KCNH1: variants seen among roughly 807,000 people sequenced by gnomAD.
The protein encoded by KCNH1 is potassium voltage-gated channel subfamily H member 1.
KCNH1 carries 27 observed loss-of-function variants against 69.2 expected under a neutral mutation model. The observed-to-expected ratio is 0.39, with a 90% CI of 0.29 to 0.54. KCNH1 has a LOEUF of 0.54. Among genes scored for constraint, KCNH1 ranks in the 20% least tolerant of loss-of-function variants. KCNH1 has a pLI of 0.68. For synonymous variants in KCNH1, 456 were observed against 487.7 expected (o/e 0.93, Z 0.86); for missense variants, 798 against 1,261.6 (o/e 0.63, Z 5.57).
chr1:210,842,435 T>C (rs903492806), intron 7 of KCNH1, among the ~76,000 whole-genome samples: 4 of 152,038 alleles, frequency 2.6e-5, no homozygotes, highest in African/African-American at 9.7e-5. Context: ...ATGGACTAGA[T>C]AAAAAAATAA....
At chr1:211,115,512 G>A (rs1691555382) in intron 1 of KCNH1, among the ~76,000 whole-genome samples, 2 of 151,934 alleles carry the variant, frequency 1.3e-5, no homozygotes, top group African/African-American at 2.4e-5. Context: ...GCAGAAAAAC[G>A]TAAAAAGGCA....
chr1:210,796,524 T>C (rs1684318428), intron 9 of KCNH1, among the ~76,000 whole-genome samples: 2 of 152,308 alleles, frequency 1.3e-5, no homozygotes, highest in South Asian at 2.1e-4. Flanking sequence ...AAGCTACTGA[T>C]GCTCAATGTC....
intron 7 of KCNH1, among the ~76,000 whole-genome samples, chr1:210,818,061 C>T (rs1684855547): frequency 6.6e-6 from 1 of 152,120 alleles, no homozygotes. Flanking sequence ...CTATGCTCTG[C>T]TGCTTTTCCT....
At chr1:211,122,374 G>T (rs1010720218) in intron 1 of KCNH1, among the ~76,000 whole-genome samples, 1 of 152,188 alleles carries the variant, frequency 6.6e-6, no homozygotes, top group Non-Finnish European at 1.5e-5. Flanking sequence ...TTACACTGTT[G>T]TTGGGAATGT....
At chr1:210,827,841 CTGTT>C (rs761807594) in intron 7 of KCNH1, among the ~76,000 whole-genome samples, 67 of 152,138 alleles carry the variant, frequency 4.4e-4, no homozygotes, top group Non-Finnish European at 8.7e-4. Context: ...CTCTTGTTTT[CTGTT>C]TGTTTGTTTG....
chr1:211,040,659 TATC>T (rs1358026697), intron 5 of KCNH1, among the ~76,000 whole-genome samples: 1 of 152,168 alleles, frequency 6.6e-6, no homozygotes, highest in East Asian at 1.9e-4. Flanking sequence ...GTCCAGTAAA[TATC>T]ATCATGCAAA....
At chr1:210,833,567 A>C (rs1356951105) in intron 7 of KCNH1, among the ~76,000 whole-genome samples, 3 of 152,182 alleles carry the variant, frequency 2.0e-5, no homozygotes, top group Non-Finnish European at 4.4e-5. Context: ...GTTAGACCTA[A>C]AACCATAAAA....
intron 7 of KCNH1, among the ~76,000 whole-genome samples, chr1:210,873,815 C>CA (rs1686305730): frequency 6.6e-6 from 1 of 152,012 alleles, no homozygotes; most frequent in South Asian, 2.1e-4. Context: ...TAAAGAATTT[C>CA]AAAAAGTCAA....
chr1:210,870,960 C>T (rs957665935), intron 7 of KCNH1, among the ~76,000 whole-genome samples: 2 of 152,184 alleles, frequency 1.3e-5, no homozygotes, highest in African/African-American at 4.8e-5. Context: ...AGACAATTTA[C>T]TGACTCTGAG....
intron 9 of KCNH1, among the ~76,000 whole-genome samples, chr1:210,796,003 A>ACACACACACACAC (rs56321893): frequency 2.7e-5 from 4 of 147,204 alleles, no homozygotes; most frequent in African/African-American, 7.7e-5. Context: ...ACACACACAC[A>ACACACACACACAC]AATTAGCTGG....
chr1:210,844,434 C>T (rs554193802), intron 7 of KCNH1, among the ~76,000 whole-genome samples: 23 of 152,232 alleles, frequency 1.5e-4, no homozygotes, highest in Non-Finnish European at 2.5e-4. Context: ...CACTCAAAAC[C>T]GCTCAACTAC....
intron 5 of KCNH1, among the ~76,000 whole-genome samples, chr1:211,029,094 G>A (rs1479127734): frequency 1.3e-5 from 2 of 150,060 alleles, no homozygotes; most frequent in East Asian, 2.0e-4. Context: ...GCTTTGAGAG[G>A]CTGAGGTAAG....
intron 7 of KCNH1, among the ~76,000 whole-genome samples, chr1:210,899,296 C>T (rs1686941624): frequency 6.6e-6 from 1 of 152,114 alleles, no homozygotes; most frequent in South Asian, 2.1e-4. Context: ...ATTCCAGCTT[C>T]ATTCATTAAG....
chr1:211,082,673 G>T, intron 5 of KCNH1, 107 bp downstream of exon 5: 3 of 828,562 alleles, frequency 3.6e-6, no homozygotes, highest in Non-Finnish European at 6.0e-6. Context: ...GGCGTCTGGG[G>T]GTCCTGAAGG....
intron 10 of KCNH1, among the ~76,000 whole-genome samples, chr1:210,736,907 C>A (rs1020498209): frequency 2.0e-5 from 3 of 152,164 alleles, no homozygotes; most frequent in Non-Finnish European, 4.4e-5. Flanking sequence ...GGTGCCTGGG[C>A]TGCTTGCTTA....
chr1:210,862,029 T>C, intron 7 of KCNH1: 1 of 780,396 alleles, frequency 1.3e-6, no homozygotes, highest in Non-Finnish European at 2.4e-6. Context: ...AATGGCAATC[T>C]TCTTCTGGAA....
intron 6 of KCNH1, among the ~76,000 whole-genome samples, chr1:210,953,737 C>G (rs559094341): frequency 6.6e-6 from 1 of 152,240 alleles, no homozygotes; most frequent in Non-Finnish European, 1.5e-5. Flanking sequence ...ATTCACACCC[C>G]CTGGGATGGC....
At position 211,059,539 on chromosome 1, in the gene KCNH1, G is replaced by A. The variant is rs1321962163; in HGVS notation, c.558+23241C>T. Among the ~76,000 whole-genome samples, 11 of 151,892 alleles carry A rather than the reference G, an allele frequency of 7.2e-5. No individual in the cohort carries two copies. In the East Asian group the frequency reaches 9.7e-4, roughly 13 times the overall value. On this transcript the variant is annotated intron_variant, in intron 5 of 10. Coordinates refer to ENST00000271751, the MANE Select transcript of KCNH1 (RefSeq NM_172362.3). ...GGGTGGATCATGAGGTCAGGAGATCGAGACCATCCTGGTTAACACGGTGAA... is the reference window on the plus strand; with the variant it reads ...GGGTGGATCATGAGGTCAGGAGATCAAGACCATCCTGGTTAACACGGTGAA...
chr1:210,739,121 C>T (rs1426646460), intron 10 of KCNH1, among the ~76,000 whole-genome samples: 1 of 152,126 alleles, frequency 6.6e-6, no homozygotes, highest in African/African-American at 2.4e-5. Flanking sequence ...AGGAATGATC[C>T]TCAGTCTAAA....
Sources: allele counts gnomAD v4.1 joint callset (sites outside exome capture counted in the v4.1 genomes callset), GRCh38; gene constraint gnomAD v4.1.1; transcripts MANE v1.5; gene names NCBI Gene and HGNC (gene_info 2026-07-23, HGNC 2026-07-21).